The following SGMS1 variants were observed in gnomAD, a reference collection of about 807,000 sequenced individuals.
The protein encoded by SGMS1 is phosphatidylcholine:ceramide cholinephosphotransferase 1.
Under a neutral mutation model 46.2 loss-of-function variants are expected in SGMS1, and 13 were observed. The observed-to-expected ratio is 0.28, with a 90% CI of 0.18 to 0.45. SGMS1 has a LOEUF of 0.45. Ranked by LOEUF, SGMS1 falls within the 20% of genes least tolerant of loss-of-function variation. The pLI, the probability that SGMS1 is intolerant of heterozygous loss-of-function variation, is 1.00. For synonymous variants in SGMS1, 203 were observed against 187.8 expected (o/e 1.08, Z -0.66); for missense variants, 324 against 519.9 (o/e 0.62, Z 3.66).
intron 6 of SGMS1, among the ~76,000 whole-genome samples, chr10:50,404,842 C>A (rs1018325507): frequency 4.6e-5 from 7 of 151,998 alleles, no homozygotes; most frequent in Admixed American, 3.9e-4. Context: ...AAAATAAAAT[C>A]AATTATTATA....
At chr10:50,466,367 A>G (rs1349362066) in intron 4 of SGMS1, among the ~76,000 whole-genome samples, 3 of 152,248 alleles carry the variant, frequency 2.0e-5, no homozygotes, top group East Asian at 3.9e-4. Flanking sequence ...GACTTAAGAA[A>G]GCAGTTCTAC....
At chr10:50,441,992 G>T (rs1203397) in intron 5 of SGMS1, among the ~76,000 whole-genome samples, 85,297 of 151,898 alleles carry the variant, frequency 0.56, 24,255 homozygotes, top group Non-Finnish European at 0.59. Flanking sequence ...ACCCTCCAAA[G>T]GCAATGTTTC....
chr10:50,365,263 A>AAAAAAAAAAAAAAAAC, intron 6 of SGMS1, among the ~76,000 whole-genome samples: 1 of 148,824 alleles, frequency 6.7e-6, no homozygotes, highest in Non-Finnish European at 1.5e-5. Context: ...ACCAAAAAAA[A>AAAAAAAAAAAAAAAAC]AAAAAAAAAA....
At chr10:50,520,376 C>T (rs1837846903) in intron 2 of SGMS1, among the ~76,000 whole-genome samples, 1 of 148,330 alleles carries the variant, frequency 6.7e-6, no homozygotes, top group Non-Finnish European at 1.5e-5. Flanking sequence ...AGCAAGACCC[C>T]ATCTCAAAAA....
chr10:50,520,737 T>C (rs548955734), intron 2 of SGMS1, among the ~76,000 whole-genome samples: 2 of 152,198 alleles, frequency 1.3e-5, no homozygotes, highest in Admixed American at 1.3e-4. Flanking sequence ...TGGCTTTGCA[T>C]GCTAAGTGAC....
chr10:50,392,412 C>T (rs1279001949), intron 6 of SGMS1, among the ~76,000 whole-genome samples: 1 of 152,046 alleles, frequency 6.6e-6, no homozygotes, highest in Non-Finnish European at 1.5e-5. Flanking sequence ...GATTTGAGTC[C>T]ATTTCTTCTA....
chr10:50,526,122 C>T (rs549932471), intron 2 of SGMS1, among the ~76,000 whole-genome samples: 1 of 152,296 alleles, frequency 6.6e-6, no homozygotes, highest in East Asian at 1.9e-4. Context: ...GCTAAGAAAA[C>T]TACCTGAGAC....
chr10:50,530,634 G>A (rs532233760), intron 2 of SGMS1, among the ~76,000 whole-genome samples: 1 of 151,998 alleles, frequency 6.6e-6, no homozygotes, highest in Admixed American at 6.5e-5. Context: ...ACACGTATGT[G>A]CCACCACATC....
chr10:50,423,224 A>G (rs1849277840), intron 6 of SGMS1, among the ~76,000 whole-genome samples: 1 of 152,258 alleles, frequency 6.6e-6, no homozygotes, highest in South Asian at 2.1e-4. Flanking sequence ...TTGCACCAGG[A>G]CAAGATAGCA....
chr10:50,354,681 C>T (rs1282313309), intron 6 of SGMS1, among the ~76,000 whole-genome samples: 3 of 151,880 alleles, frequency 2.0e-5, no homozygotes, highest in Non-Finnish European at 4.4e-5. Flanking sequence ...AAAAGTTTTG[C>T]AATCTACTCA....
chr10:50,353,305 A>T (rs1228865792), intron 6 of SGMS1, among the ~76,000 whole-genome samples: 1 of 152,306 alleles, frequency 6.6e-6, no homozygotes, highest in African/African-American at 2.4e-5. Context: ...AATAAACGTA[A>T]TCCAGCATAT....
chr10:50,500,350 T>G (rs1037370875), intron 3 of SGMS1, among the ~76,000 whole-genome samples: 1 of 152,124 alleles, frequency 6.6e-6, no homozygotes, highest in Non-Finnish European at 1.5e-5. Context: ...TTATAGAAAT[T>G]TACTAATAAA....
At chr10:50,570,143 T>C (rs144377872) in intron 2 of SGMS1, among the ~76,000 whole-genome samples, 106 of 152,296 alleles carry the variant, frequency 7.0e-4, no homozygotes, top group Non-Finnish European at 1.3e-3. Context: ...CCGAGCAAAA[T>C]GCTGGAAAAA....
At position 50,439,111 on chromosome 10, in the gene SGMS1, T is replaced by C. The variant is rs187098243; in HGVS notation, c.-312-5555A>G. On this transcript the variant is annotated intron_variant, in intron 5 of 10. Transcript: ENST00000361781. Reference sequence around the variant, plus strand: ...TGTTCCAAGAGACATGTTGGAGACTTGTTGGATTAGTGGTTTTGAGAACTG... The same window carrying C: ...TGTTCCAAGAGACATGTTGGAGACTCGTTGGATTAGTGGTTTTGAGAACTG... Among the ~76,000 whole-genome samples, 475 of 152,312 alleles carry C rather than the reference T, an allele frequency of 3.1e-3. 4 individuals are homozygous for C. The highest frequency in any genetic ancestry group is 5.7e-3 in the Non-Finnish European group (388 of 68,026).
chr10:50,549,835 C>T (rs561468456), intron 2 of SGMS1, among the ~76,000 whole-genome samples: 2 of 152,184 alleles, frequency 1.3e-5, no homozygotes, highest in Admixed American at 6.5e-5. Context: ...ATTTTAAATG[C>T]CAGGAGCCAA....
intron 6 of SGMS1, among the ~76,000 whole-genome samples, chr10:50,366,078 T>C (rs1205820377): frequency 6.6e-6 from 1 of 152,136 alleles, no homozygotes; most frequent in Non-Finnish European, 1.5e-5. Flanking sequence ...AATTGATGAA[T>C]GGGATCTGAT....
At chr10:50,554,623 G>A (rs1194169453) in intron 2 of SGMS1, among the ~76,000 whole-genome samples, 1 of 152,224 alleles carries the variant, frequency 6.6e-6, no homozygotes, top group African/African-American at 2.4e-5. Flanking sequence ...TGCAGGCACC[G>A]AGAAGGTTCA....
At chr10:50,346,491 C>A (rs1847913914) in intron 6 of SGMS1, among the ~76,000 whole-genome samples, 1 of 152,046 alleles carries the variant, frequency 6.6e-6, no homozygotes, top group African/African-American at 2.4e-5. Flanking sequence ...ATAAAATCTT[C>A]CAAGCTTTTA....
chr10:50,614,978 C>T (rs1838783356), intron 1 of SGMS1, among the ~76,000 whole-genome samples: 1 of 152,228 alleles, frequency 6.6e-6, no homozygotes, highest in East Asian at 1.9e-4. Context: ...AAGTGTGAAT[C>T]CCTGTGATTC....
Sources: gnomAD v4.1 joint callset for allele counts (sites outside exome capture counted in the v4.1 genomes callset) on GRCh38, gnomAD v4.1.1 for gene constraint, MANE v1.5 for transcripts, NCBI Gene and HGNC (gene_info 2026-07-23, HGNC 2026-07-21) for gene names.